HERC2: variants seen among roughly 807,000 people sequenced by gnomAD.
The protein encoded by HERC2 is E3 ubiquitin-protein ligase HERC2.
Under a neutral mutation model 537.7 loss-of-function variants are expected in HERC2, and 102 were observed. The observed-to-expected ratio is 0.19, with a 90% CI of 0.16 to 0.22. The LOEUF (loss-of-function observed/expected upper bound fraction) is 0.22. Ranked by LOEUF, HERC2 falls within the 10% of genes least tolerant of loss-of-function variation. HERC2 has a pLI of 1.00. For missense variants in HERC2, 4,236 were observed against 6,198.2 expected (o/e 0.68, Z 10.63); for synonymous variants, 2,224 against 2,466.2 (o/e 0.90, Z 2.91).
At chr15:28,269,628 A>G (rs1325492827) in intron 10 of HERC2, among the ~76,000 whole-genome samples, 192 bp from the exon 11 acceptor site, 1 of 152,228 alleles carries the variant, frequency 6.6e-6, no homozygotes, top group African/African-American at 2.4e-5. Flanking sequence ...TGAACAGGTT[A>G]TTTTTCCATT....
In HERC2 at chr15:28,201,491, C is replaced by G. The variant is rs766860859; in HGVS notation, c.7681G>C (p.Asp2561His). ...YKKRADFLSN[D>H]DYAVYVRENI... ...TCTCTCACATATACAGCATAATCAT[C>G]ATTACTCAAGAAATCAGCTCGTTTT... Residue 2561 changes from aspartate (D) to histidine (H), a missense_variant, in exon 48 of 93, where the codon GAT becomes CAT. Asp to His is a moderately conservative substitution (Grantham distance 81). This residue lies in a region of HERC2 where 606 missense variants were observed against 884.5 expected (regional missense o/e 0.69). Coordinates refer to ENST00000261609, the MANE Select transcript of HERC2 (RefSeq NM_004667.6). 2 of 1,612,350 alleles carry G rather than the reference C, an allele frequency of 1.2e-6. No individual in the cohort carries two copies. Among genetic ancestry groups the G allele is most frequent in the Non-Finnish European group, 1.7e-6 (2 of 1,178,370 alleles).
At chr15:28,135,910 G>A (rs1394997808) in intron 78 of HERC2, among the ~76,000 whole-genome samples, 1 of 152,090 alleles carries the variant, frequency 6.6e-6, no homozygotes, top group Admixed American at 6.5e-5. Flanking sequence ...TCCAAATTCA[G>A]AAAACATATT....
chr15:28,123,057 A>G (rs1362413445), intron 85 of HERC2, among the ~76,000 whole-genome samples: 1 of 152,146 alleles, frequency 6.6e-6, no homozygotes, highest in Non-Finnish European at 1.5e-5. Flanking sequence ...TATGTTTCCT[A>G]TCCATTTTAC....
chr15:28,125,466 C>A (rs1889378434), intron 83 of HERC2, among the ~76,000 whole-genome samples: 1 of 152,210 alleles, frequency 6.6e-6, no homozygotes, highest in Non-Finnish European at 1.5e-5. Flanking sequence ...TAGTGAGAGA[C>A]ACACAACTCT....
intron 5 of HERC2, among the ~76,000 whole-genome samples, chr15:28,277,629 C>T (rs1354241794): frequency 6.6e-6 from 1 of 152,100 alleles, no homozygotes; most frequent in African/African-American, 2.4e-5. Flanking sequence ...CAGTTTGATT[C>T]GACAAACACA....
intron 2 of HERC2, among the ~76,000 whole-genome samples, chr15:28,317,071 C>T (rs1436303212): frequency 6.6e-6 from 1 of 151,782 alleles, no homozygotes; most frequent in Non-Finnish European, 1.5e-5. Flanking sequence ...TAGCCATCTA[C>T]TGATATTTCT....
At chr15:28,287,738 T>C (rs920504105) in intron 4 of HERC2, among the ~76,000 whole-genome samples, 2 of 118,764 alleles carry the variant, frequency 1.7e-5, no homozygotes, top group Non-Finnish European at 1.7e-5. Context: ...TTTTTTTTTT[T>C]GGTTTGAGAT....
chr15:28,113,576 C>T lies in HERC2; in HGVS notation c.14016G>A (p.Thr4672=), dbSNP rs376290379. ...CCCCACCTGGGGGTCGGCATACCAT[C>T]GTCTCCAGTTCGTAGCCGGTGAACA... is the stretch of plus-strand genomic sequence containing the variant. ...LSLFTGYELE[T]MVCGSPDIPL... is the part of the protein sequence containing the mutation. Residue 4672 remains threonine (T), a synonymous_variant, in exon 91 of 93, where the codon ACG becomes ACA. Coordinates refer to ENST00000261609, the MANE Select transcript of HERC2 (RefSeq NM_004667.6). The surrounding 1 kb of genome is among the most constrained non-coding windows in gnomAD (Gnocchi z 7.0). 5.6e-6 allele frequency: 9 copies of T among 1,613,722 alleles called. No individual in the cohort carries two copies. The highest frequency in any genetic ancestry group is 2.2e-5 in the East Asian group (1 of 44,890).
chr15:28,310,428 G>C (rs1308289893), intron 2 of HERC2, among the ~76,000 whole-genome samples: 5 of 151,850 alleles, frequency 3.3e-5, no homozygotes, highest in Admixed American at 2.6e-4. Flanking sequence ...CTGGGCAATA[G>C]AGCAAGACCC....
At chr15:28,205,886 GA>G (rs1376736765) in intron 45 of HERC2, among the ~76,000 whole-genome samples, 2 of 146,548 alleles carry the variant, frequency 1.4e-5, no homozygotes, top group African/African-American at 5.1e-5. Flanking sequence ...GCTCCTGAGT[GA>G]ATGAAACAAA....
intron 53 of HERC2, 130 bp from the exon 54 acceptor site, chr15:28,191,374 T>A: frequency 1.6e-6 from 1 of 637,438 alleles, no homozygotes; most frequent in East Asian, 2.7e-5. Flanking sequence ...TGAGAGAGAA[T>A]TTTCCCTCAA....
intron 68 of HERC2, among the ~76,000 whole-genome samples, chr15:28,167,133 T>C (rs1208027051): frequency 1.3e-5 from 2 of 152,234 alleles, no homozygotes; most frequent in East Asian, 1.9e-4. Context: ...GAACAAGACA[T>C]TGACATAATC....
intron 56 of HERC2, among the ~76,000 whole-genome samples, chr15:28,184,126 G>A (rs1209367047): frequency 6.6e-6 from 1 of 152,150 alleles, no homozygotes; most frequent in Non-Finnish European, 1.5e-5. Flanking sequence ...GGGAGGCAGA[G>A]GTTGCAGTGA....
chr15:28,295,840 T>C (rs2076454798), intron 3 of HERC2, among the ~76,000 whole-genome samples: 1 of 152,184 alleles, frequency 6.6e-6, no homozygotes, highest in African/African-American at 2.4e-5. Context: ...GCTGACATAG[T>C]ACTGTCTGTG....
At chr15:28,205,119 C>T (rs113757064) in intron 45 of HERC2, among the ~76,000 whole-genome samples, 2 of 152,000 alleles carry the variant, frequency 1.3e-5, no homozygotes, top group African/African-American at 4.8e-5. Flanking sequence ...AAAGCAACCA[C>T]AGAAAAAAGA....
chr15:28,259,931 G>A (rs2075371834), intron 16 of HERC2, among the ~76,000 whole-genome samples: 1 of 143,222 alleles, frequency 7.0e-6, no homozygotes, highest in African/African-American at 2.7e-5. Context: ...TTGCACCAAT[G>A]CACTCCAGTC....
In HERC2 at chr15:28,163,184, C is replaced by G. The variant is rs1464338039; in HGVS notation, c.10656G>C (p.Leu3552=). ...CCCGGCTGCACACTGACAGCTTGAG[C>G]AGGTCTACCACCACACGAGTGTCAT... is the stretch of plus-strand genomic sequence containing the variant. The part of the protein sequence containing the change: ...IADDTRVVVD[L]LKLSVCSRAG... The change falls in exon 69 of 93, where the codon CTG becomes CTC. Residue 3552 remains leucine (L), a synonymous_variant. Coordinates refer to ENST00000261609, the MANE Select transcript of HERC2 (RefSeq NM_004667.6). 6.2e-7 allele frequency: 1 copy of G among 1,613,728 alleles called. No individual in the cohort carries two copies. Among genetic ancestry groups the G allele is most frequent in the South Asian group, 1.1e-5 (1 of 91,082 alleles).
At chr15:28,127,655 C>T (rs951774223) in intron 83 of HERC2, among the ~76,000 whole-genome samples, 2 of 152,154 alleles carry the variant, frequency 1.3e-5, no homozygotes, top group African/African-American at 4.8e-5. Context: ...GCCAGGGCTC[C>T]TTGGAGAAAT....
intron 26 of HERC2, among the ~76,000 whole-genome samples, 187 bp downstream of exon 26, chr15:28,236,776 T>C (rs1447413507): frequency 6.6e-6 from 1 of 151,894 alleles, no homozygotes; most frequent in African/African-American, 2.4e-5. Flanking sequence ...TTTGTAGAGA[T>C]GGGGTTTTGC....
Sources: allele counts gnomAD v4.1 joint callset (sites outside exome capture counted in the v4.1 genomes callset), GRCh38; gene constraint gnomAD v4.1.1; regional missense constraint gnomAD v4.1.1; non-coding constraint Gnocchi (gnomAD v3.1); transcripts MANE v1.5; gene names NCBI Gene and HGNC (gene_info 2026-07-23, HGNC 2026-07-21).